Variants in SLC2A9 observed in about 807,000 individuals in gnomAD.
SLC2A9 encodes the protein solute carrier family 2 member 9.
A neutral mutation model predicts 50.6 loss-of-function variants in SLC2A9; 39 were observed. The ratio of observed to expected loss-of-function variants is 0.77; its 90% confidence interval spans 0.60 to 1.01. The LOEUF is 1.01. Among genes scored for constraint, SLC2A9 ranks in the 50% least tolerant of loss-of-function variants. The probability of loss-of-function intolerance (pLI) is 0.00; values close to 1 mark genes in which losing one functional copy is unlikely to be tolerated. For synonymous variants in SLC2A9, 324 were observed against 276.9 expected (o/e 1.17, Z -1.69); for missense variants, 686 against 677.6 (o/e 1.01, Z -0.14).
chr4:9,942,633 A>G (rs1210927664), intron 5 of SLC2A9, among the ~76,000 whole-genome samples: 1 of 152,196 alleles, frequency 6.6e-6, no homozygotes, highest in Admixed American at 6.5e-5. Context: ...CCAGCCAGCT[A>G]TGAAAGGCAA....
intron 10 of SLC2A9, among the ~76,000 whole-genome samples, chr4:9,846,138 C>A (rs922727365): frequency 6.6e-6 from 1 of 152,156 alleles, no homozygotes; most frequent in Non-Finnish European, 1.5e-5. Flanking sequence ...GACTTGGCTC[C>A]GAATCCAAGA....
At chr4:9,898,305 A>G (rs1560265137) in intron 8 of SLC2A9, among the ~76,000 whole-genome samples, 1 of 152,370 alleles carries the variant, frequency 6.6e-6, no homozygotes, top group East Asian at 1.9e-4. Flanking sequence ...TTATATGACA[A>G]TAAACAACAT....
chr4:9,777,902 G>C (rs13129974), downstream of SLC2A9, among the ~76,000 whole-genome samples: 80,841 of 151,992 alleles, frequency 0.53, 22,858 homozygotes, highest in Non-Finnish European at 0.64. Context: ...TTGCAGGATG[G>C]AGAGGTTCAA....
intron 4 of SLC2A9, among the ~76,000 whole-genome samples, chr4:9,984,417 T>A (rs1756372296): frequency 6.6e-6 from 1 of 152,182 alleles, no homozygotes; most frequent in East Asian, 1.9e-4. Flanking sequence ...TATATGTGTG[T>A]GTGTGAGAGA....
upstream of SLC2A9, among the ~76,000 whole-genome samples, chr4:10,022,629 A>G (rs1287245088): frequency 2.0e-5 from 3 of 152,268 alleles, no homozygotes; most frequent in African/African-American, 7.2e-5. Context: ...AGGCTTGGTG[A>G]ATGCAGAACG....
chr4:9,887,503 GC>G, intron 10 of SLC2A9, 63 bp downstream of exon 10: 5 of 1,469,950 alleles, frequency 3.4e-6, no homozygotes, highest in South Asian at 2.5e-5. Flanking sequence ...TATGAGGAGA[GC>G]CCCCCAGCTT....
chr4:10,030,984 C>A (rs1018933981), intron 1 of SLC2A9, among the ~76,000 whole-genome samples: 2 of 152,186 alleles, frequency 1.3e-5, no homozygotes, highest in African/African-American at 2.4e-5. Flanking sequence ...CCCAGCTGCA[C>A]GCCTCTGCTT....
At chr4:9,954,507 T>C (rs1313519511) in intron 5 of SLC2A9, among the ~76,000 whole-genome samples, 1 of 152,216 alleles carries the variant, frequency 6.6e-6, no homozygotes, top group Non-Finnish European at 1.5e-5. Context: ...TGACAGCCAT[T>C]GGTCTATACT....
chr4:9,785,756 T>C (rs1287930307), intron 3 of SLC2A9, among the ~76,000 whole-genome samples: 1 of 152,210 alleles, frequency 6.6e-6, no homozygotes, highest in Non-Finnish European at 1.5e-5. Context: ...TCTTGGAACA[T>C]TTATGTGAGT....
intron 2 of SLC2A9, among the ~76,000 whole-genome samples, chr4:10,016,303 C>T (rs926241625): frequency 2.0e-5 from 3 of 152,226 alleles, no homozygotes; most frequent in Admixed American, 6.5e-5. Flanking sequence ...CAAACTCTGG[C>T]TCCACTCATT....
chr4:9,965,787 A>G (rs1752960389), intron 5 of SLC2A9, among the ~76,000 whole-genome samples: 1 of 152,260 alleles, frequency 6.6e-6, no homozygotes, highest in African/African-American at 2.4e-5. Context: ...ATATAGTTGT[A>G]TGCTAACAAA....
intron 10 of SLC2A9, among the ~76,000 whole-genome samples, chr4:9,875,455 G>C (rs1734164490): frequency 6.6e-6 from 1 of 152,222 alleles, no homozygotes; most frequent in Admixed American, 6.5e-5. Context: ...ACCCATACTT[G>C]GTGGCTCTGC....
chr4:10,021,829 C>T (rs1457541705), upstream of SLC2A9, among the ~76,000 whole-genome samples: 1 of 148,918 alleles, frequency 6.7e-6, no homozygotes, highest in African/African-American at 2.5e-5. Context: ...CAGCTCTGCC[C>T]CTGACTCTTC....
At chr4:9,888,481 G>A (rs568376872) in intron 9 of SLC2A9, among the ~76,000 whole-genome samples, 298 of 152,108 alleles carry the variant, frequency 2.0e-3, no homozygotes, top group Non-Finnish European at 3.7e-3. Flanking sequence ...GGGGTGGGTG[G>A]CTTGGTGCTG....
At chr4:9,993,906 A>T (rs1022831107) in intron 3 of SLC2A9, among the ~76,000 whole-genome samples, 1 of 152,028 alleles carries the variant, frequency 6.6e-6, no homozygotes, top group Non-Finnish European at 1.5e-5. Context: ...CGAGCTCAAC[A>T]TTCCCTAGCT....
chr4:9,981,903 TG>T (rs1238280463), intron 4 of SLC2A9, among the ~76,000 whole-genome samples: 1 of 151,496 alleles, frequency 6.6e-6, no homozygotes, highest in Non-Finnish European at 1.5e-5. Flanking sequence ...TTTTCCAAGA[TG>T]GGGTTTCACT....
At chr4:9,884,463 T>C (rs1333483807) in intron 10 of SLC2A9, among the ~76,000 whole-genome samples, 1 of 151,688 alleles carries the variant, frequency 6.6e-6, no homozygotes, top group Non-Finnish European at 1.5e-5. Flanking sequence ...TTTTAATTAG[T>C]AAAGTTGGGC....
At chr4:9,879,572 A>T in intron 10 of SLC2A9, 17 of 985,276 alleles carry the variant, frequency 1.7e-5, no homozygotes, top group Non-Finnish European at 2.0e-5. Context: ...TTTCCAAGCA[A>T]GGTATGTGCT....
intron 5 of SLC2A9, among the ~76,000 whole-genome samples, chr4:9,945,688 G>T (rs189620148): frequency 3.0e-4 from 45 of 152,260 alleles, no homozygotes; most frequent in African/African-American, 1.1e-3. Flanking sequence ...GGCCAGGAGA[G>T]CTTGGTCTGA....
Sources: gnomAD v4.1 joint callset for allele counts (sites outside exome capture counted in the v4.1 genomes callset) on GRCh38, gnomAD v4.1.1 for gene constraint, MANE v1.5 for transcripts, NCBI Gene and HGNC (gene_info 2026-07-23, HGNC 2026-07-21) for gene names.